Variants in ZMIZ1 observed in about 807,000 individuals in gnomAD.
ZMIZ1 encodes the protein zinc finger MIZ domain-containing protein 1.
In ZMIZ1, 17 loss-of-function variants were observed where a neutral mutation model predicts 113.9. That is an observed-to-expected ratio of 0.15 (90% CI 0.10 to 0.22). The LOEUF (loss-of-function observed/expected upper bound fraction) is 0.22, where lower values mean the gene tolerates loss of function less well. ZMIZ1 is among the 10% of genes least tolerant of loss of function. The probability of loss-of-function intolerance (pLI) is 1.00; values close to 1 mark genes in which losing one functional copy is unlikely to be tolerated. For synonymous variants in ZMIZ1, 607 were observed against 603.1 expected (o/e 1.01, Z -0.09); for missense variants, 1,059 against 1,477.8 (o/e 0.72, Z 4.65).
intron 1 of ZMIZ1, among the ~76,000 whole-genome samples, chr10:79,097,090 A>G (rs1229971784): frequency 2.0e-5 from 3 of 152,206 alleles, no homozygotes; most frequent in Non-Finnish European, 2.9e-5. Context: ...CATATCTTCC[A>G]GCTCCACTTG....
intron 7 of ZMIZ1, among the ~76,000 whole-genome samples, chr10:79,227,373 T>C (rs1849236764): frequency 1.3e-5 from 2 of 152,174 alleles, no homozygotes; most frequent in Non-Finnish European, 2.9e-5. Flanking sequence ...AGATATTTTT[T>C]CCAGAAGCCA....
intron 23 of ZMIZ1, among the ~76,000 whole-genome samples, chr10:79,310,516 C>T (rs908079692): frequency 9.2e-5 from 14 of 152,198 alleles, no homozygotes; most frequent in African/African-American, 2.7e-4. Flanking sequence ...ATCTGCACCA[C>T]GCTGAGGCAG....
rs1311961181 is a variant in ZMIZ1, at chr10:79,310,915, C to T, written c.2836-9C>T. On this transcript the variant is annotated splice_polypyrimidine_tract_variant and intron_variant, in intron 23 of 24. Transcript: ENST00000334512. ...CCTCTCTTCTCTCCCGCTCTCTCCT[C>T]CTCCACAGATGCCACACGCTGGCAG... 6.2e-7 allele frequency: 1 copy of T among 1,611,782 alleles called. No individual in the cohort carries two copies. Among genetic ancestry groups the T allele is most frequent in the African/African-American group, 1.3e-5 (1 of 74,988 alleles).
chr10:79,304,007 C>T lies in ZMIZ1; in HGVS notation c.2126-8C>T, dbSNP rs756081550. ...CATCCTCACCTGTCTGTGCCTCCTG[C>T]CCCGCAGTCAAGCGGAATTTCAGCA... On this transcript the variant is annotated splice_polypyrimidine_tract_variant and splice_region_variant and intron_variant, in intron 18 of 24. Transcript: ENST00000334512. 5 of 1,613,710 alleles carry T rather than the reference C, an allele frequency of 3.1e-6. No homozygotes were observed. In the African/African-American group the frequency reaches 6.7e-5, roughly 22 times the overall value.
intron 4 of ZMIZ1, among the ~76,000 whole-genome samples, chr10:79,183,239 C>T (rs557626917): frequency 8.5e-5 from 13 of 152,336 alleles, no homozygotes; most frequent in Admixed American, 5.2e-4. Context: ...GTCTGCCTGT[C>T]GCAAGTACCT....
At chr10:79,139,631 G>C in intron 2 of ZMIZ1, 51 bp from the exon 3 acceptor site, 1 of 398,128 alleles carries the variant, frequency 2.5e-6, no homozygotes, top group Non-Finnish European at 4.4e-6. Context: ...GGGAGTGGAC[G>C]GCACACCGGC....
intron 4 of ZMIZ1, among the ~76,000 whole-genome samples, chr10:79,168,579 A>G (rs545656791): frequency 1.3e-5 from 2 of 152,206 alleles, no homozygotes; most frequent in African/African-American, 2.4e-5. Flanking sequence ...TCCTCTGGGC[A>G]TAGCAACAAG....
At chr10:79,283,576 G>A (rs1027014073) in intron 8 of ZMIZ1, among the ~76,000 whole-genome samples, 13 of 152,120 alleles carry the variant, frequency 8.5e-5, no homozygotes, top group African/African-American at 2.7e-4. Flanking sequence ...TTTTTAGCTC[G>A]GTTTTGCATA....
At chr10:79,274,649 C>G (rs1257817775) in intron 7 of ZMIZ1, among the ~76,000 whole-genome samples, 1 of 152,254 alleles carries the variant, frequency 6.6e-6, no homozygotes, top group Non-Finnish European at 1.5e-5. Context: ...GCTCACCGGC[C>G]TCGGGGGTGA....
intron 2 of ZMIZ1, among the ~76,000 whole-genome samples, chr10:79,126,086 C>T (rs564191250): frequency 5.9e-5 from 9 of 152,270 alleles, no homozygotes; most frequent in Non-Finnish European, 1.0e-4. Flanking sequence ...TCCGTGGAGC[C>T]GCATTTGTGT....
At chr10:79,248,569 G>A (rs1473329823) in intron 7 of ZMIZ1, among the ~76,000 whole-genome samples, 5 of 152,180 alleles carry the variant, frequency 3.3e-5, no homozygotes, top group Admixed American at 2.6e-4. Flanking sequence ...GCGTCCTGCT[G>A]TGGGAATGTC....
intron 4 of ZMIZ1, among the ~76,000 whole-genome samples, chr10:79,175,016 C>T (rs1159176918): frequency 6.6e-6 from 1 of 152,190 alleles, no homozygotes; most frequent in Non-Finnish European, 1.5e-5. Flanking sequence ...AGGGTTGGAG[C>T]CAGCTAGGAA....
chr10:79,293,431 G>A lies in ZMIZ1; in HGVS notation c.1008G>A (p.Pro336=), dbSNP rs574399228. The A allele has an allele frequency of 2.6e-5, 40 of 1,526,262 alleles. 1 individual carries two copies. The Admixed American group carries it at 4.3e-4, about 16-fold the overall frequency. 94.5% of individuals were successfully genotyped at this position (1,526,262 alleles called of 1,614,324 possible). Residue 336 remains proline (P), a synonymous_variant, in exon 12 of 25, where the codon CCG becomes CCA. Coordinates refer to ENST00000334512, the MANE Select transcript of ZMIZ1 (RefSeq NM_020338.4). ...GCCAATTCATGAACCAGCCCGGGCC[G>A]CGGGGGCCTGCCTCCATGGGGGGCA... is the stretch of plus-strand genomic sequence containing the variant. ...YNSQFMNQPG[P]RGPASMGGSM...
chr10:79,121,680 A>C (rs369312581), intron 2 of ZMIZ1, among the ~76,000 whole-genome samples: 21 of 152,308 alleles, frequency 1.4e-4, no homozygotes, highest in African/African-American at 4.3e-4. Flanking sequence ...CTAAAGGATC[A>C]GGGTGTGGGA....
Position 79,298,420 on chromosome 10 carries a change from T to G in ZMIZ1, c.1506T>G (p.Val502=). The change falls in exon 15 of 25, where the codon GTT becomes GTG. Residue 502 remains valine (V), a synonymous_variant. Transcript: ENST00000334512. ...QGNVNRPPRP[V]PVANYPHSPV... ...TTTCCCTCCAGCCTCCCAGGCCGGT[T>G]CCTGTGGCAAATTACCCCCACTCAC... 2 of 1,608,926 alleles carry G rather than the reference T, an allele frequency of 1.2e-6. No homozygotes were observed. The highest frequency in any genetic ancestry group is 1.7e-6 in the Non-Finnish European group (2 of 1,177,654).
intron 24 of ZMIZ1, among the ~76,000 whole-genome samples, chr10:79,312,250 G>A (rs967477174): frequency 2.0e-5 from 3 of 152,224 alleles, no homozygotes; most frequent in South Asian, 2.1e-4. Context: ...TCGCCTTCCC[G>A]CCTTCCCACC....
chr10:79,072,414 G>C (rs1842322426), intron 1 of ZMIZ1, among the ~76,000 whole-genome samples: 1 of 152,244 alleles, frequency 6.6e-6, no homozygotes, highest in Non-Finnish European at 1.5e-5. Flanking sequence ...ACTGAGAAGA[G>C]CTGCAGACTT....
Position 79,277,094 on chromosome 10 carries a change from A to T in ZMIZ1, c.281-87A>T. ...TGGGAGCAAAACCAGCATGGATAGC[A>T]CCCAGTCTGGGGAGAGTTGGGGGGG... On this transcript the variant is annotated intron_variant, in intron 7 of 24. Coordinates refer to ENST00000334512, the MANE Select transcript of ZMIZ1 (RefSeq NM_020338.4). 4 of 1,422,674 alleles carry T rather than the reference A, an allele frequency of 2.8e-6. No homozygotes were observed. In the South Asian group the frequency reaches 6.4e-5, roughly 23 times the overall value. The allele number at this position is 1,422,674 out of a possible 1,614,324, so 88.1% of individuals were successfully genotyped here.
At chr10:79,216,767 C>A (rs1848750048) in intron 7 of ZMIZ1, among the ~76,000 whole-genome samples, 1 of 152,160 alleles carries the variant, frequency 6.6e-6, no homozygotes, top group Admixed American at 6.5e-5. Flanking sequence ...TTCATTCATT[C>A]CCCAAAAATT....
Sources: gnomAD v4.1 joint callset for allele counts (sites outside exome capture counted in the v4.1 genomes callset) on GRCh38, gnomAD v4.1.1 for gene constraint, MANE v1.5 for transcripts, NCBI Gene and HGNC (gene_info 2026-07-23, HGNC 2026-07-21) for gene names.